Variants in TRIML1 observed in about 807,000 individuals in gnomAD.
TRIML1 encodes the protein probable E3 ubiquitin-protein ligase TRIML1.
TRIML1 carries 34 observed loss-of-function variants against 32.3 expected under a neutral mutation model. The observed-to-expected ratio is 1.05, with a 90% CI of 0.80 to 1.40. The LOEUF is 1.40. TRIML1 is among the 40% of genes most tolerant of loss of function. TRIML1 has a pLI of 0.00. For missense variants in TRIML1, 595 were observed against 574.9 expected, an observed-to-expected ratio of 1.03 and a Z score of -0.36; for synonymous variants, 244 against 226.6, an observed-to-expected ratio of 1.08 and a Z score of -0.69.
Position 188,139,726 on chromosome 4 carries a change from C to A in TRIML1, c.168C>A (p.Cys56Ter). 1 of 1,613,966 alleles carries A rather than the reference C, an allele frequency of 6.2e-7. No homozygotes were observed. The highest frequency in any genetic ancestry group is 8.5e-7 in the Non-Finnish European group (1 of 1,180,000). Residue 56 changes from cysteine (C) to a stop codon, truncating the protein, a stop_gained, in exon 1 of 6, where the codon TGC becomes TGA. Coordinates refer to ENST00000332517, the MANE Select transcript of TRIML1 (RefSeq NM_178556.5). LOFTEE classifies it high-confidence loss of function. ...EHNTPLSCPECWRTLEGPHFQ... is the reference protein window; with the variant it reads ...EHNTPLSCPE ...ACACACCTTTATCTTGTCCTGAGTG[C>A]TGGAGGACCTTGGAGGGCCCGCATT...
chr4:188,149,184 G>A (rs896556318), downstream of TRIML1, among the ~76,000 whole-genome samples: 1 of 151,886 alleles, frequency 6.6e-6, no homozygotes, highest in Non-Finnish European at 1.5e-5. Context: ...CTCCCAAAGT[G>A]CTGGGATTCC....
upstream of TRIML1, chr4:188,139,434 G>A (rs1734760386): frequency 1.1e-6 from 1 of 937,602 alleles, no homozygotes; most frequent in Non-Finnish European, 1.6e-6. Context: ...AGAGATAAGG[G>A]TTTCTTGTCA....
chr4:188,141,089 A>G (rs1734834624), intron 2 of TRIML1, among the ~76,000 whole-genome samples: 2 of 152,148 alleles, frequency 1.3e-5, no homozygotes, highest in South Asian at 4.1e-4. Context: ...TCCAGCAGTC[A>G]AAGCAAAGGA....
At chr4:188,141,883 A>T (rs80156059) in intron 2 of TRIML1, among the ~76,000 whole-genome samples, 20 of 152,100 alleles carry the variant, frequency 1.3e-4, no homozygotes, top group Non-Finnish European at 2.9e-4. Context: ...GAGGCTGAGG[A>T]GGGTGGGTCA....
In TRIML1 at chr4:188,144,107, T is replaced by C. The variant is rs746922494; in HGVS notation, c.830T>C (p.Met277Thr). ...CTGAGTCTGTGCCGCATCACGGGAA[T>C]GAAGGAGATGCTAAGAAAATTCAGC... ...TELSLCRITG[M>T]KEMLRKFSTE... Residue 277 changes from methionine (M) to threonine (T), a missense_variant, in exon 5 of 6, where the codon ATG (methionine) becomes ACG (threonine). Coordinates refer to ENST00000332517, the MANE Select transcript of TRIML1 (RefSeq NM_178556.5). 2 of 1,614,072 alleles carry C rather than the reference T, an allele frequency of 1.2e-6. No homozygotes were observed. Among genetic ancestry groups the C allele is most frequent in the Admixed American group, 1.7e-5 (1 of 60,006 alleles).
intron 3 of TRIML1, 78 bp from the exon 4 acceptor site, chr4:188,143,760 A>G (rs1734950542): frequency 2.6e-6 from 4 of 1,549,672 alleles, no homozygotes; most frequent in Non-Finnish European, 3.6e-6. Context: ...GAGCTTTGCA[A>G]GGACTGTATG....
At chr4:188,138,557 T>C (rs908630357), upstream of TRIML1, among the ~76,000 whole-genome samples, 4 of 152,088 alleles carry the variant, frequency 2.6e-5, no homozygotes, top group Non-Finnish European at 5.9e-5. Flanking sequence ...TGGCATTTGT[T>C]ACCAATCTCG....
In TRIML1 at chr4:188,146,936, T is replaced by A; in HGVS notation, c.971T>A (p.Phe324Tyr). The A allele has an allele frequency of 1.3e-6, 2 of 1,504,016 alleles. No individual in the cohort carries two copies. Among genetic ancestry groups the A allele is most frequent in the Non-Finnish European group, 1.8e-6 (2 of 1,126,576 alleles). 93.2% of individuals were successfully genotyped at this position (1,504,016 alleles called of 1,614,324 possible). The change falls in exon 6 of 6, where the codon TTT becomes TAT. Residue 324 changes from phenylalanine (F) to tyrosine (Y), a missense_variant. Physicochemically the swap from Phe to Tyr is conservative, Grantham distance 22 (BLOSUM62 3). Transcript: ENST00000332517. ...RQQLPDNPER[F>Y]DQSATVLGTQ... ...CAGCTACCCGACAACCCGGAAAGAT[T>A]TGACCAGTCTGCGACTGTGCTGGGT...
chr4:188,143,977 C>A, intron 4 of TRIML1, 59 bp from the exon 5 acceptor site: 4 of 1,606,336 alleles, frequency 2.5e-6, no homozygotes, highest in Non-Finnish European at 3.4e-6. Flanking sequence ...GGTGGACTCT[C>A]CAGCTGGAGC....
chr4:188,138,626 T>C (rs1734740268), upstream of TRIML1, among the ~76,000 whole-genome samples: 1 of 152,048 alleles, frequency 6.6e-6, no homozygotes, highest in Non-Finnish European at 1.5e-5. Flanking sequence ...TCCGAAAAAA[T>C]GTCTGCACAC....
At chr4:188,145,026 AAGT>A (rs1185932863) in intron 5 of TRIML1, among the ~76,000 whole-genome samples, 1 of 152,130 alleles carries the variant, frequency 6.6e-6, no homozygotes, top group South Asian at 2.1e-4. Context: ...TTACAATGAT[AAGT>A]AAGGCAGATT....
chr4:188,146,656 C>T (rs1164006171), intron 5 of TRIML1, among the ~76,000 whole-genome samples, 166 bp from the exon 6 acceptor site: 3 of 152,136 alleles, frequency 2.0e-5, no homozygotes, highest in Non-Finnish European at 4.4e-5. Flanking sequence ...GATCTGCCTG[C>T]CTCACCCTCC....
chr4:188,144,106 A>G lies in TRIML1; in HGVS notation c.829A>G (p.Met277Val), dbSNP rs779751266. 58 of 1,613,950 alleles carry G rather than the reference A, an allele frequency of 3.6e-5. 1 individual carries two copies. In the South Asian group the frequency reaches 6.3e-4, roughly 17 times the overall value. Residue 277 changes from methionine (M) to valine (V), a missense_variant, in exon 5 of 6, where the codon ATG becomes GTG. Met to Val is a conservative substitution (Grantham distance 21, BLOSUM62 1). Coordinates refer to ENST00000332517, the MANE Select transcript of TRIML1 (RefSeq NM_178556.5). ...TELSLCRITGMKEMLRKFSTE... is the reference protein window; with the variant it reads ...TELSLCRITGVKEMLRKFSTE... ...GCTGAGTCTGTGCCGCATCACGGGA[A>G]TGAAGGAGATGCTAAGAAAATTCAG...
intron 5 of TRIML1, among the ~76,000 whole-genome samples, chr4:188,145,033 G>A (rs1285544168): frequency 6.6e-6 from 1 of 152,146 alleles, no homozygotes; most frequent in Non-Finnish European, 1.5e-5. Flanking sequence ...GATAAGTAAG[G>A]CAGATTTTGC....
chr4:188,147,653 C>T lies in TRIML1; in HGVS notation c.*281C>T. On this transcript the variant is annotated 3_prime_UTR_variant, in exon 6 of 6. Coordinates refer to ENST00000332517, the MANE Select transcript of TRIML1 (RefSeq NM_178556.5). ...GTGTGCTGGTCACTCAAATATTGAG[C>T]CCCTATTACCATGAATCCTACTGCC... The T allele has an allele frequency of 6.3e-6, 2 of 317,874 alleles. No individual in the cohort carries two copies. Among genetic ancestry groups the T allele is most frequent in the Non-Finnish European group, 1.1e-5 (2 of 175,320 alleles). 19.7% of individuals were successfully genotyped at this position (317,874 alleles called of 1,614,324 possible).
chr4:188,140,184 C>A (rs1221602285), intron 1 of TRIML1, among the ~76,000 whole-genome samples: 1 of 150,836 alleles, frequency 6.6e-6, no homozygotes, highest in African/African-American at 2.4e-5. Context: ...TGCAGCAGTG[C>A]GATCTCAGTC....
At chr4:188,147,933 G>A (rs1210967256), downstream of TRIML1, among the ~76,000 whole-genome samples, 1 of 152,084 alleles carries the variant, frequency 6.6e-6, no homozygotes, top group African/African-American at 2.4e-5. Context: ...ACTCAGGAAG[G>A]CTTATATGTT....
Position 188,147,562 on chromosome 4 carries a change from C to G in TRIML1, c.*190C>G, listed in dbSNP as rs1579173009. The G allele has an allele frequency of 7.2e-6, 3 of 418,946 alleles. No individual in the cohort carries two copies. Among genetic ancestry groups the G allele is most frequent in the Non-Finnish European group, 1.2e-5 (3 of 242,374 alleles). The allele number at this position is 418,946 out of a possible 1,614,324, so 26.0% of individuals were successfully genotyped here. A position where few individuals can be genotyped will look rare whatever the true frequency, so the allele number is the denominator to read the frequency against. On this transcript the variant is annotated 3_prime_UTR_variant, in exon 6 of 6. Coordinates refer to ENST00000332517, the MANE Select transcript of TRIML1 (RefSeq NM_178556.5). ...CCACATTACACAATCAACTTCAACC[C>G]CAATAGAAGAGAGCTGATCATATTC...
At chr4:188,149,032 G>A (rs1735181932), downstream of TRIML1, among the ~76,000 whole-genome samples, 1 of 147,862 alleles carries the variant, frequency 6.8e-6, no homozygotes, top group Non-Finnish European at 1.5e-5. Flanking sequence ...TCCTGCCTCA[G>A]CCTCCCGAGT....
Sources: allele counts gnomAD v4.1 joint callset (sites outside exome capture counted in the v4.1 genomes callset), GRCh38; gene constraint gnomAD v4.1.1; transcripts MANE v1.5; gene names NCBI Gene and HGNC (gene_info 2026-07-23, HGNC 2026-07-21).